MACROD2: variants seen among roughly 807,000 people sequenced by gnomAD.
MACROD2 encodes ADP-ribose glycohydrolase MACROD2.
Under a neutral mutation model 70.4 loss-of-function variants are expected in MACROD2, and 36 were observed. The ratio of observed to expected loss-of-function variants is 0.51; its 90% confidence interval spans 0.39 to 0.68. The LOEUF (loss-of-function observed/expected upper bound fraction) is 0.68. MACROD2 is among the 30% of genes least tolerant of loss of function. The pLI is 0.00. For missense variants in MACROD2, 496 were observed against 538.4 expected, an observed-to-expected ratio of 0.92 and a Z score of 0.78; for synonymous variants, 172 against 178.8, an observed-to-expected ratio of 0.96 and a Z score of 0.30.
intron 5 of MACROD2, among the ~76,000 whole-genome samples, chr20:15,219,903 T>C (rs1324134444): frequency 6.8e-6 from 1 of 147,750 alleles, no homozygotes; most frequent in African/African-American, 2.5e-5. Flanking sequence ...ATGAGCAATA[T>C]GCAGATGAGG....
At chr20:15,350,334 G>C (rs1431475793) in intron 6 of MACROD2, among the ~76,000 whole-genome samples, 1 of 152,130 alleles carries the variant, frequency 6.6e-6, no homozygotes, top group African/African-American at 2.4e-5. Context: ...AATTAATAAT[G>C]ATTAACTGTG....
rs117704041 is a variant in MACROD2 at position 15,855,593 on chromosome 20, T to G, written c.646-7152T>G. 2.4e-3 allele frequency among the ~76,000 whole-genome samples: 372 copies of G among 152,246 alleles called. 1 individual carries two copies. The highest frequency in any genetic ancestry group is 4.7e-3 in the Admixed American group (72 of 15,290). On this transcript the variant is annotated intron_variant, in intron 8 of 17. Coordinates refer to ENST00000684519, the MANE Select transcript of MACROD2 (RefSeq NM_001351661.2). The stretch of plus-strand genomic sequence containing the variant: ...TTCCTGAGTGCACAGCTTGATGAAT[T>G]TTCACAAACTGAACACATCCAGGGA...
chr20:14,723,153 A>G (rs991645658), intron 5 of MACROD2, among the ~76,000 whole-genome samples: 1 of 152,276 alleles, frequency 6.6e-6, no homozygotes, highest in African/African-American at 2.4e-5. Flanking sequence ...ATTTTGTGCT[A>G]TCTCCTTGGT....
chr20:14,114,023 G>T (rs1210030394), intron 3 of MACROD2, among the ~76,000 whole-genome samples: 7 of 152,060 alleles, frequency 4.6e-5, no homozygotes, highest in Non-Finnish European at 1.0e-4. Flanking sequence ...TAGAAAAATT[G>T]CTGATCTCGA....
At chr20:14,579,321 T>C (rs6105298) in intron 4 of MACROD2, among the ~76,000 whole-genome samples, 96,351 of 150,004 alleles carry the variant, frequency 0.64, 32,441 homozygotes, top group East Asian at 0.93. Context: ...TTTTGTATTT[T>C]TAGTAGAGAC....
At chr20:14,256,196 C>T (rs193300050) in intron 3 of MACROD2, among the ~76,000 whole-genome samples, 23 of 152,130 alleles carry the variant, frequency 1.5e-4, no homozygotes, top group Non-Finnish European at 2.4e-4. Flanking sequence ...CTGCTTATCC[C>T]GTACTTGGGT....
At chr20:15,574,280 C>T (rs1488534705) in intron 8 of MACROD2, among the ~76,000 whole-genome samples, 2 of 152,054 alleles carry the variant, frequency 1.3e-5, no homozygotes, top group African/African-American at 2.4e-5. Flanking sequence ...GAAACATCAG[C>T]TCTTAATTAT....
chr20:14,874,133 T>C (rs2073521450), intron 5 of MACROD2, among the ~76,000 whole-genome samples: 1 of 152,010 alleles, frequency 6.6e-6, no homozygotes, highest in African/African-American at 2.4e-5. Context: ...TTAAAGTAAG[T>C]ATTGAAACAG....
intron 3 of MACROD2, among the ~76,000 whole-genome samples, chr20:14,398,893 C>T (rs6079419): frequency 0.99 from 151,287 of 152,290 alleles, 75,151 homozygotes; most frequent in Middle Eastern, 1. Context: ...CTTTTATATT[C>T]CTTTTTTTAA....
intron 8 of MACROD2, among the ~76,000 whole-genome samples, chr20:15,586,630 T>C (rs529655918): frequency 4.2e-4 from 64 of 152,316 alleles, no homozygotes; most frequent in Non-Finnish European, 8.4e-4. Flanking sequence ...GCTTATTATG[T>C]CTACCTAATT....
chr20:14,495,197 A>G (rs2084840220), intron 4 of MACROD2, among the ~76,000 whole-genome samples: 1 of 151,990 alleles, frequency 6.6e-6, no homozygotes, highest in Non-Finnish European at 1.5e-5. Flanking sequence ...TGTCTCATGT[A>G]AAGGTAGTCT....
chr20:15,681,473 G>A (rs1184981647), intron 8 of MACROD2, among the ~76,000 whole-genome samples: 1 of 152,156 alleles, frequency 6.6e-6, no homozygotes, highest in Admixed American at 6.5e-5. Context: ...GTAGCTCTTT[G>A]GTGAAGACCA....
intron 3 of MACROD2, among the ~76,000 whole-genome samples, chr20:14,101,879 A>G (rs2054306112): frequency 6.6e-6 from 1 of 151,248 alleles, no homozygotes; most frequent in African/African-American, 2.4e-5. Flanking sequence ...ATTTCTCTGC[A>G]TGATTTCTTT....
chr20:14,889,109 T>C (rs1429454839), intron 5 of MACROD2, among the ~76,000 whole-genome samples: 1 of 152,200 alleles, frequency 6.6e-6, no homozygotes, highest in Admixed American at 6.5e-5. Context: ...GAAACAATTT[T>C]TGCAGAATTT....
chr20:14,591,972 G>A (rs984530592), intron 4 of MACROD2, among the ~76,000 whole-genome samples: 4 of 152,170 alleles, frequency 2.6e-5, no homozygotes, highest in Non-Finnish European at 5.9e-5. Flanking sequence ...TAGACTGAAT[G>A]TGAAGGTGAC....
chr20:15,953,384 A>C (rs2065933158), intron 12 of MACROD2, among the ~76,000 whole-genome samples: 1 of 152,174 alleles, frequency 6.6e-6, no homozygotes, highest in East Asian at 1.9e-4. Flanking sequence ...CCCAAAACAA[A>C]GAAATGATAA....
At chr20:14,288,717 AAGGAACTTGAAATCACCCC>A (rs1210117821) in intron 3 of MACROD2, among the ~76,000 whole-genome samples, 1 of 152,054 alleles carries the variant, frequency 6.6e-6, no homozygotes, top group African/African-American at 2.4e-5. Flanking sequence ...TGTGTTTTTC[AAGGAACTTGAAATCACCCC>A]AGGTCCAGGT....
intron 4 of MACROD2, among the ~76,000 whole-genome samples, chr20:14,524,847 C>T (rs2085211645): frequency 6.6e-6 from 1 of 152,170 alleles, no homozygotes; most frequent in African/African-American, 2.4e-5. Context: ...ATCAGAGCCC[C>T]TTGCCCTGCT....
chr20:15,205,429 C>T (rs1289194797), intron 5 of MACROD2, among the ~76,000 whole-genome samples: 3 of 151,752 alleles, frequency 2.0e-5, no homozygotes, highest in Admixed American at 6.6e-5. Flanking sequence ...AATTATAATC[C>T]ATGTTAAGGA....
Sources: gnomAD v4.1 joint callset for allele counts (sites outside exome capture counted in the v4.1 genomes callset) on GRCh38, gnomAD v4.1.1 for gene constraint, MANE v1.5 for transcripts, NCBI Gene and HGNC (gene_info 2026-07-23, HGNC 2026-07-21) for gene names.